Variants in CRYZ observed in about 807,000 individuals in gnomAD.
CRYZ encodes crystallin zeta, also known as zeta-crystallin.
A neutral mutation model predicts 34.1 loss-of-function variants in CRYZ; 35 were observed. The ratio of observed to expected loss-of-function variants is 1.03; its 90% CI spans 0.78 to 1.36. The LOEUF (loss-of-function observed/expected upper bound fraction) is 1.36. CRYZ is among the 40% of genes most tolerant of loss of function. The pLI, the probability that CRYZ is intolerant of heterozygous loss-of-function variation, is 0.00. For missense variants in CRYZ, 403 were observed against 391.8 expected, an observed-to-expected ratio of 1.03 and a Z score of -0.24; for synonymous variants, 137 against 136.5, an observed-to-expected ratio of 1.00 and a Z score of -0.03.
intron 5 of CRYZ, among the ~76,000 whole-genome samples, chr1:74,712,178 T>C (rs151233437): frequency 2.9e-4 from 44 of 152,322 alleles, no homozygotes; most frequent in African/African-American, 9.9e-4. Flanking sequence ...GAAATATATC[T>C]GATTAGATGA....
chr1:74,725,216 C>A (rs1333779380), intron 1 of CRYZ, among the ~76,000 whole-genome samples: 2 of 152,134 alleles, frequency 1.3e-5, no homozygotes, highest in African/African-American at 4.8e-5. Flanking sequence ...ATGAAACATT[C>A]CAAACATTTA....
rs114106956 is a variant in CRYZ, at chr1:74,720,997, G to A, written c.265-1625C>T. ...AGAGGAAATTAGGACTAGCTTTATC[G>A]AGAAGCTAACAATTGAGGTAAATCT... On this transcript the variant is annotated intron_variant, in intron 3 of 8. Transcript: ENST00000340866. Among the ~76,000 whole-genome samples the A allele has an allele frequency of 2.4e-3, 372 of 152,254 alleles. 3 individuals are homozygous for A. The highest frequency in any genetic ancestry group is 8.6e-3 in the African/African-American group (359 of 41,550).
chr1:74,728,560 A>G lies in CRYZ; in HGVS notation c.-13-3726T>C, dbSNP rs140843204. Among the ~76,000 whole-genome samples the G allele has an allele frequency of 5.0e-3, 755 of 152,306 alleles. 7 individuals are homozygous for G. The highest frequency in any genetic ancestry group is 0.017 in the African/African-American group (707 of 41,562). ...GAAGAGCTGCAGAAACCAGGACCTG[A>G]TATGAAAGAATTCAGACTTTTACTG... On this transcript the variant is annotated intron_variant, in intron 1 of 8. Transcript: ENST00000340866.
intron 1 of CRYZ, among the ~76,000 whole-genome samples, chr1:74,731,292 T>C (rs912673370): frequency 1.1e-4 from 17 of 152,150 alleles, no homozygotes; most frequent in African/African-American, 3.9e-4. Context: ...GGAGTATATT[T>C]TAACATAGGA....
intron 3 of CRYZ, among the ~76,000 whole-genome samples, chr1:74,721,675 T>C (rs1209763361): frequency 6.6e-6 from 1 of 152,138 alleles, no homozygotes. Flanking sequence ...ACAGTTCTAG[T>C]AAGGGAAAGC....
At position 74,723,218 on chromosome 1, in the gene CRYZ, C is replaced by G; in HGVS notation, c.164G>C (p.Arg55Pro). Residue 55 changes from arginine to proline, a missense_variant, in exon 3 of 9, where the codon CGC becomes CCC. Transcript: ENST00000340866. ...TGGTTTTCTACTATAAGTACCAGAG[C>G]GAATGTATGTCTCCACGGGGTTGAC... ...CGVNPVETYI[R>P]SGTYSRKPLL... is the part of the protein sequence containing the mutation. 1 of 1,613,940 alleles carries G rather than the reference C, an allele frequency of 6.2e-7. No homozygotes were observed.
chr1:74,723,547 C>T (rs971666068), intron 2 of CRYZ, among the ~76,000 whole-genome samples: 14 of 152,194 alleles, frequency 9.2e-5, no homozygotes, highest in Non-Finnish European at 1.8e-4. Context: ...TCATCAAACC[C>T]GTTTTCTCCT....
intron 4 of CRYZ, 69 bp from the exon 5 acceptor site, chr1:74,714,699 T>C (rs1457187889): frequency 6.5e-7 from 1 of 1,539,754 alleles, no homozygotes; most frequent in East Asian, 2.3e-5. Context: ...GTTTTCATCA[T>C]CTTAAGGAAT....
In CRYZ at chr1:74,710,166, T is replaced by C. The variant is rs1242033779; in HGVS notation, c.562A>G (p.Ile188Val). The change falls in exon 6 of 9, where the codon ATT (isoleucine) becomes GTT (valine). Residue 188 changes from isoleucine (I) to valine (V), a missense_variant. Transcript: ENST00000340866. The part of the protein sequence containing the change: ...GTAGTEEGQK[I>V]VLQNGAHEVF... Reference sequence around the variant, plus strand: ...TCATGGGCTCCATTTTGCAAAACAATCTTTTGTCCTTCCTCAGTACCAGCA... The same window carrying C: ...TCATGGGCTCCATTTTGCAAAACAACCTTTTGTCCTTCCTCAGTACCAGCA... 2.5e-6 allele frequency: 4 copies of C among 1,613,904 alleles called. No homozygotes were observed. In the South Asian group the frequency reaches 3.3e-5, roughly 13 times the overall value.
intron 2 of CRYZ, 95 bp from the exon 3 acceptor site, chr1:74,723,365 G>A: frequency 8.5e-7 from 1 of 1,172,746 alleles, no homozygotes; most frequent in South Asian, 1.6e-5. Context: ...TATCAAAATG[G>A]GAGACAAAAG....
chr1:74,713,671 G>A (rs1458630283), intron 5 of CRYZ, among the ~76,000 whole-genome samples: 1 of 152,052 alleles, frequency 6.6e-6, no homozygotes, highest in Non-Finnish European at 1.5e-5. Context: ...ACATTTTCAG[G>A]ATACCACTCA....
Position 74,724,846 on chromosome 1 carries a change from A to G in CRYZ, c.-13-12T>C. On this transcript the variant is annotated splice_polypyrimidine_tract_variant and intron_variant, in intron 1 of 8. Transcript: ENST00000340866. ...TGGTGATCTAGATACTAAGGAAGAA[A>G]AAAAATTAATGTATTGTCACATTGT... 7 of 1,467,210 alleles carry G rather than the reference A, an allele frequency of 4.8e-6. No homozygotes were observed. The highest frequency in any genetic ancestry group is 6.6e-6 in the Non-Finnish European group (7 of 1,053,356). The allele number at this position is 1,467,210 out of a possible 1,614,324, so 90.9% of individuals were successfully genotyped here. A position where few individuals can be genotyped will look rare whatever the true frequency, so the allele number is the denominator to read the frequency against.
In CRYZ at chr1:74,710,150, C is replaced by A; in HGVS notation, c.578G>T (p.Gly193Val). 3 of 1,613,822 alleles carry A rather than the reference C, an allele frequency of 1.9e-6. No homozygotes were observed. Among genetic ancestry groups the A allele is most frequent in the Non-Finnish European group, 8.5e-7 (1 of 1,179,828 alleles). Residue 193 changes from glycine (G) to valine (V), a missense_variant, in exon 6 of 9, where the codon GGA (glycine) becomes GTA (valine). Coordinates refer to ENST00000340866, the MANE Select transcript of CRYZ (RefSeq NM_001889.4). ...EEGQKIVLQN[G>V]AHEVFNHREV... ...TCTGTGATTGAACACTTCATGGGCTCCATTTTGCAAAACAATCTTTTGTCC... is the reference window on the plus strand; with the variant it reads ...TCTGTGATTGAACACTTCATGGGCTACATTTTGCAAAACAATCTTTTGTCC...
At chr1:74,720,175 CAAAT>C (rs1413532342) in intron 3 of CRYZ, among the ~76,000 whole-genome samples, 1 of 151,964 alleles carries the variant, frequency 6.6e-6, no homozygotes, top group Non-Finnish European at 1.5e-5. Flanking sequence ...GGAGAAGAAA[CAAAT>C]AAGATATGAA....
At chr1:74,727,549 G>A (rs1014613775) in intron 1 of CRYZ, among the ~76,000 whole-genome samples, 15 of 128,664 alleles carry the variant, frequency 1.2e-4, no homozygotes, top group Middle Eastern at 4.2e-3. Context: ...GGAGAATGGC[G>A]TCAACCCGGC....
Position 74,717,228 on chromosome 1 carries a change from TCCTTAAAAAAAAAAATC to T in CRYZ, c.428+1964_428+1980del, listed in dbSNP as rs543053593. Among the ~76,000 whole-genome samples, 781 of 152,030 alleles carry T rather than the reference TCCTTAAAAAAAAAAATC, an allele frequency of 5.1e-3. 5 individuals carry two copies. The highest frequency in any genetic ancestry group is 9.2e-3 in the Non-Finnish European group (628 of 67,950). Reference sequence around the variant, plus strand: ...TGTAAATATGTTCAAGTCTTGTCTATCCTTAAAAAAAAAAATCCCTTTTTTCCACATACTCTCCTCAA... The same window carrying T: ...TGTAAATATGTTCAAGTCTTGTCTATCCTTTTTTCCACATACTCTCCTCAA... On this transcript the variant is annotated intron_variant, in intron 4 of 8. Transcript: ENST00000340866.
intron 3 of CRYZ, among the ~76,000 whole-genome samples, chr1:74,721,287 A>G (rs1647159001): frequency 6.6e-6 from 1 of 152,202 alleles, no homozygotes; most frequent in Non-Finnish European, 1.5e-5. Context: ...CAATATGAAC[A>G]AAAACACAGA....
chr1:74,706,278 C>A lies in CRYZ; in HGVS notation c.*18G>T, dbSNP rs1646926534. The A allele has an allele frequency of 1.3e-6, 2 of 1,580,158 alleles. No homozygotes were observed. Among genetic ancestry groups the A allele is most frequent in the Non-Finnish European group, 1.7e-6 (2 of 1,164,452 alleles). Reference sequence around the variant, plus strand: ...CAGTACCTCTAATTACATAGGAAATCCATGAAAGAATTAATCATCATAAGA... The same window carrying A: ...CAGTACCTCTAATTACATAGGAAATACATGAAAGAATTAATCATCATAAGA... On this transcript the variant is annotated 3_prime_UTR_variant, in exon 9 of 9. Coordinates refer to ENST00000340866, the MANE Select transcript of CRYZ (RefSeq NM_001889.4).
chr1:74,722,461 C>T (rs1264040525), intron 3 of CRYZ, among the ~76,000 whole-genome samples: 1 of 152,118 alleles, frequency 6.6e-6, no homozygotes, highest in Non-Finnish European at 1.5e-5. Flanking sequence ...ATTTGCCAGT[C>T]TTCCTGTACA....
Sources: allele counts gnomAD v4.1 joint callset (sites outside exome capture counted in the v4.1 genomes callset), GRCh38; gene constraint gnomAD v4.1.1; transcripts MANE v1.5; gene names NCBI Gene and HGNC (gene_info 2026-07-23, HGNC 2026-07-21).